PITPNC1: variants seen among roughly 807,000 people sequenced by gnomAD.
The protein encoded by PITPNC1 is phosphatidylinositol transfer protein cytoplasmic 1, also known as cytoplasmic phosphatidylinositol transfer protein 1.
In PITPNC1, 18 loss-of-function variants were observed where a neutral mutation model predicts 44.7. That is an observed-to-expected ratio of 0.40 (90% CI 0.28 to 0.60). The LOEUF (loss-of-function observed/expected upper bound fraction) is 0.60, where lower values mean the gene tolerates loss of function less well. PITPNC1 is among the 20% of genes least tolerant of loss of function. PITPNC1 has a pLI of 0.39. For synonymous variants in PITPNC1, 141 were observed against 149.6 expected, an observed-to-expected ratio of 0.94 and a Z score of 0.42; for missense variants, 290 against 418.4, an observed-to-expected ratio of 0.69 and a Z score of 2.68.
chr17:67,504,340 A>G (rs16960898), intron 1 of PITPNC1, among the ~76,000 whole-genome samples: 2,024 of 152,330 alleles, frequency 0.013, 45 homozygotes, highest in African/African-American at 0.046. Flanking sequence ...AAAACACACA[A>G]AAAAGCTGCT....
rs1304675415 is a variant in PITPNC1 at position 67,693,362 on chromosome 17, C to T, written c.*474C>T. ...ACTAATACTTGAATACCAATAGTTA[C>T]TGAGATTCCTATTTTGTGGTTAGTC... is the stretch of plus-strand genomic sequence containing the variant. On this transcript the variant is annotated 3_prime_UTR_variant, in exon 9 of 9. Transcript: ENST00000581322. 1 of 153,110 alleles carries T rather than the reference C, an allele frequency of 6.5e-6. No individual in the cohort carries two copies. Among genetic ancestry groups the T allele is most frequent in the South Asian group, 2.1e-4 (1 of 4,838 alleles). The allele number at this position is 153,110 out of a possible 1,614,324, so 9.5% of individuals were successfully genotyped here.
intron 1 of PITPNC1, among the ~76,000 whole-genome samples, chr17:67,479,439 C>T (rs1164707798): frequency 3.3e-5 from 5 of 151,648 alleles, no homozygotes; most frequent in African/African-American, 1.2e-4. Context: ...AAATCATTAG[C>T]TAGATTGAGC....
chr17:67,650,877 C>T (rs2042202256), intron 6 of PITPNC1, among the ~76,000 whole-genome samples: 2 of 152,280 alleles, frequency 1.3e-5, no homozygotes, highest in South Asian at 2.1e-4. Flanking sequence ...GGGTACAAAA[C>T]AGAAACATTC....
intron 1 of PITPNC1, among the ~76,000 whole-genome samples, chr17:67,417,070 T>C (rs1422882818): frequency 1.3e-5 from 2 of 152,026 alleles, no homozygotes; most frequent in Non-Finnish European, 2.9e-5. Flanking sequence ...CGCCTCAGCC[T>C]CCCAAAGTGC....
intron 6 of PITPNC1, among the ~76,000 whole-genome samples, chr17:67,633,829 C>T (rs1015799295): frequency 6.6e-6 from 1 of 152,240 alleles, no homozygotes; most frequent in Non-Finnish European, 1.5e-5. Flanking sequence ...CTGGACCTCC[C>T]GGCCTCTTTG....
chr17:67,551,344 T>C (rs1568037144), intron 2 of PITPNC1, among the ~76,000 whole-genome samples: 1 of 152,146 alleles, frequency 6.6e-6, no homozygotes, highest in Non-Finnish European at 1.5e-5. Flanking sequence ...TTGCTGCAAA[T>C]TAGGTGGATT....
chr17:67,434,149 C>T (rs1468649470), intron 1 of PITPNC1, among the ~76,000 whole-genome samples: 2 of 152,118 alleles, frequency 1.3e-5, no homozygotes, highest in Non-Finnish European at 2.9e-5. Flanking sequence ...GAGCCCAGTG[C>T]CTAGAACCTG....
rs1433934073 is a variant in PITPNC1, at chr17:67,508,252, A to C, written c.49-24550A>C. On this transcript the variant is annotated intron_variant, in intron 1 of 8. Transcript: ENST00000581322. This position sits in a 1 kb window ranked among gnomAD's most constrained non-coding sequence, Gnocchi z 4.2. ...CTACAAAGTGAAAGCAAGTTTATTA[A>C]GAAAGTAGAGAATAAAAGAATGGCT... is the stretch of plus-strand genomic sequence containing the variant. 6.6e-6 allele frequency among the ~76,000 whole-genome samples: 1 copy of C among 152,236 alleles called. No individual in the cohort carries two copies. Among genetic ancestry groups the C allele is most frequent in the Non-Finnish European group, 1.5e-5 (1 of 68,040 alleles).
At chr17:67,605,663 T>G (rs1269058790) in intron 5 of PITPNC1, among the ~76,000 whole-genome samples, 2 of 152,174 alleles carry the variant, frequency 1.3e-5, no homozygotes, top group Non-Finnish European at 2.9e-5. Context: ...GGAATCATAA[T>G]GGACAATAAA....
intron 1 of PITPNC1, among the ~76,000 whole-genome samples, chr17:67,483,724 G>T (rs2039734831): frequency 6.6e-6 from 1 of 152,102 alleles, no homozygotes; most frequent in Non-Finnish European, 1.5e-5. Context: ...CAATAACTTG[G>T]ATTGGTAGCC....
chr17:67,395,000 G>A (rs2038196069), intron 1 of PITPNC1, among the ~76,000 whole-genome samples: 2 of 152,084 alleles, frequency 1.3e-5, no homozygotes, highest in Admixed American at 1.3e-4. Context: ...TTCAAGAACA[G>A]CCTGGCCAAC....
chr17:67,439,712 C>G (rs189703341), intron 1 of PITPNC1, among the ~76,000 whole-genome samples: 6 of 152,288 alleles, frequency 3.9e-5, no homozygotes, highest in Non-Finnish European at 7.4e-5. Context: ...TAACATATCT[C>G]TCACCTTACA....
At chr17:67,486,392 G>A (rs2039778276) in intron 1 of PITPNC1, among the ~76,000 whole-genome samples, 1 of 152,134 alleles carries the variant, frequency 6.6e-6, no homozygotes, top group Non-Finnish European at 1.5e-5. Flanking sequence ...GAGTAATGTA[G>A]AAAAATAGAC....
chr17:67,487,390 A>T (rs1375035525), intron 1 of PITPNC1, among the ~76,000 whole-genome samples: 2 of 151,930 alleles, frequency 1.3e-5, no homozygotes, highest in African/African-American at 4.8e-5. Context: ...GACCAGGCTG[A>T]TCTCGAACTC....
At chr17:67,383,090 A>T (rs999783827) in intron 1 of PITPNC1, among the ~76,000 whole-genome samples, 2 of 149,730 alleles carry the variant, frequency 1.3e-5, no homozygotes. Flanking sequence ...CTGCCTCCCG[A>T]GTTCAAGAGA....
intron 1 of PITPNC1, chr17:67,378,845 G>C (rs1375311804): frequency 9.5e-6 from 3 of 314,272 alleles, no homozygotes; most frequent in African/African-American, 4.5e-5. Context: ...CTTCCGCCGC[G>C]GGGAGCGGCG....
At chr17:67,511,227 T>C (rs528777849) in intron 1 of PITPNC1, among the ~76,000 whole-genome samples, 2 of 152,344 alleles carry the variant, frequency 1.3e-5, no homozygotes, top group African/African-American at 4.8e-5. Context: ...GGATGTACCA[T>C]GATTTATCTA....
intron 1 of PITPNC1, among the ~76,000 whole-genome samples, chr17:67,487,869 G>T (rs1391483058): frequency 1.3e-5 from 2 of 152,192 alleles, no homozygotes; most frequent in African/African-American, 4.8e-5. Flanking sequence ...CCCAGGAGAT[G>T]TCTTCGCATC....
chr17:67,545,340 AG>A (rs1488816517), intron 2 of PITPNC1, among the ~76,000 whole-genome samples: 4 of 151,580 alleles, frequency 2.6e-5, no homozygotes, highest in African/African-American at 9.7e-5. Flanking sequence ...GCACTTTGGG[AG>A]GCCAAGCAGG....
Sources: allele counts gnomAD v4.1 joint callset (sites outside exome capture counted in the v4.1 genomes callset), GRCh38; gene constraint gnomAD v4.1.1; non-coding constraint Gnocchi (gnomAD v3.1); transcripts MANE v1.5; gene names NCBI Gene and HGNC (gene_info 2026-07-23, HGNC 2026-07-21).